PTPRD: variants seen among roughly 807,000 people sequenced by gnomAD.
PTPRD encodes protein tyrosine phosphatase receptor type D, also known as receptor-type tyrosine-protein phosphatase delta.
PTPRD carries 34 observed loss-of-function variants against 214.5 expected under a neutral mutation model. The ratio of observed to expected loss-of-function variants is 0.16; its 90% CI spans 0.12 to 0.21. The LOEUF (loss-of-function observed/expected upper bound fraction) is 0.21. Among genes scored for constraint, PTPRD ranks in the 10% least tolerant of loss-of-function variants. The probability of loss-of-function intolerance (pLI) is 1.00; values close to 1 mark genes in which losing one functional copy is unlikely to be tolerated. For synonymous variants in PTPRD, 1,128 were observed against 845.7 expected (o/e 1.33, Z -5.79); for missense variants, 2,545 against 2,398.7 (o/e 1.06, Z -1.27).
intron 39 of PTPRD, among the ~76,000 whole-genome samples, chr9:8,348,781 G>C (rs747411181): frequency 7.2e-4 from 109 of 152,254 alleles, no homozygotes; most frequent in Middle Eastern, 3.4e-3. Context: ...CTTCTCATCT[G>C]TTGACATGTA....
intron 39 of PTPRD, among the ~76,000 whole-genome samples, chr9:8,368,001 T>G (rs1017432327): frequency 2.0e-5 from 3 of 152,164 alleles, no homozygotes; most frequent in African/African-American, 7.2e-5. Flanking sequence ...CAGCTAAGAT[T>G]TGAACTCTGT....
At chr9:10,435,160 G>A (rs2098709135) in intron 2 of PTPRD, among the ~76,000 whole-genome samples, 1 of 151,846 alleles carries the variant, frequency 6.6e-6, no homozygotes, top group Non-Finnish European at 1.5e-5. Flanking sequence ...GGCACTATTT[G>A]AGCAAAGTTC....
At chr9:8,336,628 CAAAA>C (rs764320816) in intron 43 of PTPRD, among the ~76,000 whole-genome samples, 5 of 114,592 alleles carry the variant, frequency 4.4e-5, no homozygotes, top group Non-Finnish European at 5.2e-5. Context: ...TTCTGCAGAG[CAAAA>C]AAAAAAAAAA....
At chr9:8,969,408 G>A (rs1317390308) in intron 11 of PTPRD, among the ~76,000 whole-genome samples, 4 of 151,950 alleles carry the variant, frequency 2.6e-5, no homozygotes, top group Non-Finnish European at 5.9e-5. Context: ...AATATGAAAG[G>A]ATTCATATGC....
intron 9 of PTPRD, among the ~76,000 whole-genome samples, chr9:9,209,204 C>A (rs1438404513): frequency 1.3e-5 from 2 of 152,040 alleles, no homozygotes; most frequent in Non-Finnish European, 1.5e-5. Flanking sequence ...TCCTAATTAG[C>A]AATTTGTAGA....
At chr9:10,445,612 C>G (rs953886194) in intron 2 of PTPRD, among the ~76,000 whole-genome samples, 7 of 152,074 alleles carry the variant, frequency 4.6e-5, no homozygotes, top group Non-Finnish European at 8.8e-5. Context: ...ATTTGGTTTG[C>G]ATGTCTGGAA....
chr9:8,989,543 C>T (rs1410210982), intron 11 of PTPRD, among the ~76,000 whole-genome samples: 4 of 151,974 alleles, frequency 2.6e-5, no homozygotes, highest in African/African-American at 4.8e-5. Context: ...GATTTAATTC[C>T]TCCTATGGCT....
intron 7 of PTPRD, among the ~76,000 whole-genome samples, chr9:9,716,417 A>T (rs1435560172): frequency 6.6e-6 from 1 of 151,918 alleles, no homozygotes; most frequent in Non-Finnish European, 1.5e-5. Flanking sequence ...TAGATCCCTG[A>T]GGAATCGCCA....
chr9:8,674,456 CAAAAAAAAAAAAAAA>C (rs57588808), intron 12 of PTPRD, among the ~76,000 whole-genome samples: 1 of 62,332 alleles, frequency 1.6e-5, no homozygotes, highest in African/African-American at 6.5e-5. Flanking sequence ...GACGCTGTCT[CAAAAAAAAAAAAAAA>C]AAAAAAAAAA....
intron 10 of PTPRD, among the ~76,000 whole-genome samples, chr9:9,025,997 G>C (rs1187571991): frequency 6.6e-6 from 1 of 151,840 alleles, no homozygotes; most frequent in African/African-American, 2.4e-5. Context: ...GACAAAGAAA[G>C]AAAGAAAGAG....
At chr9:8,730,224 C>G (rs182787546) in intron 12 of PTPRD, among the ~76,000 whole-genome samples, 7 of 152,220 alleles carry the variant, frequency 4.6e-5, no homozygotes, top group Non-Finnish European at 7.4e-5. Context: ...CCACTGCACT[C>G]CAGCCTAGGC....
intron 2 of PTPRD, among the ~76,000 whole-genome samples, chr9:10,369,951 C>T (rs1215984178): frequency 6.6e-6 from 1 of 152,020 alleles, no homozygotes; most frequent in Admixed American, 6.6e-5. Flanking sequence ...ATATGCGAGG[C>T]ATTGTCCTAA....
chr9:8,360,665 T>G (rs983208661), intron 39 of PTPRD, among the ~76,000 whole-genome samples: 1 of 152,232 alleles, frequency 6.6e-6, no homozygotes, highest in African/African-American at 2.4e-5. Flanking sequence ...TATATACATT[T>G]TATTGAATGT....
intron 4 of PTPRD, among the ~76,000 whole-genome samples, chr9:10,017,511 C>G (rs1410133133): frequency 6.6e-6 from 1 of 152,096 alleles, no homozygotes; most frequent in Non-Finnish European, 1.5e-5. Context: ...TCCTCCACAT[C>G]TTAACTATAC....
At chr9:9,975,900 T>C (rs1002936696) in intron 4 of PTPRD, among the ~76,000 whole-genome samples, 6 of 152,194 alleles carry the variant, frequency 3.9e-5, no homozygotes, top group Admixed American at 6.5e-5. Context: ...ACAGCATTAT[T>C]TGGCATACAG....
chr9:9,913,208 TCACTGTTAATGTGGTTAGCTACAGAGCAA>T (rs2079714629), intron 5 of PTPRD, among the ~76,000 whole-genome samples: 1 of 152,222 alleles, frequency 6.6e-6, no homozygotes, highest in Non-Finnish European at 1.5e-5. Context: ...GCATAGTATT[TCACTGTTAATGTGGTTAGCTACAGAGCAA>T]CACTGAATAT....
intron 4 of PTPRD, among the ~76,000 whole-genome samples, chr9:9,944,962 G>C (rs765671330): frequency 3.3e-5 from 5 of 151,526 alleles, no homozygotes; most frequent in Non-Finnish European, 7.4e-5. Context: ...TAAAAGTCTA[G>C]AAAAGAGATG....
chr9:8,725,619 C>G (rs2098548819), intron 12 of PTPRD, among the ~76,000 whole-genome samples: 1 of 152,120 alleles, frequency 6.6e-6, no homozygotes, highest in Non-Finnish European at 1.5e-5. Flanking sequence ...GAAAAAAAGG[C>G]ATAATAGCAA....
intron 2 of PTPRD, among the ~76,000 whole-genome samples, chr9:10,538,861 T>C (rs761333318): frequency 7.9e-5 from 12 of 152,180 alleles, no homozygotes; most frequent in African/African-American, 7.2e-5. Context: ...TATAGTATCA[T>C]GGAATTTTTT....
Sources: allele counts gnomAD v4.1 joint callset (sites outside exome capture counted in the v4.1 genomes callset), GRCh38; gene constraint gnomAD v4.1.1; transcripts MANE v1.5; gene names NCBI Gene and HGNC (gene_info 2026-07-23, HGNC 2026-07-21).